Variants in CRADD observed in about 807,000 individuals in gnomAD.
The protein encoded by CRADD is death domain-containing protein CRADD.
In CRADD, 9 loss-of-function variants were observed where a neutral mutation model predicts 15.5. The ratio of observed to expected loss-of-function variants is 0.58; its 90% CI spans 0.35 to 1.01. The LOEUF is 1.01. CRADD is among the 50% of genes least tolerant of loss of function. The pLI is 0.02. For synonymous variants in CRADD, 118 were observed against 107.6 expected, an observed-to-expected ratio of 1.10 and a Z score of -0.60; for missense variants, 227 against 250.3, an observed-to-expected ratio of 0.91 and a Z score of 0.63.
chr12:93,765,155 G>T (rs1184880794), intron 2 of CRADD, among the ~76,000 whole-genome samples: 2 of 152,118 alleles, frequency 1.3e-5, no homozygotes, highest in Non-Finnish European at 2.9e-5. Flanking sequence ...CATTATTAAT[G>T]AATAGATTGA....
intron 2 of CRADD, among the ~76,000 whole-genome samples, chr12:93,757,943 G>A (rs1956909525): frequency 6.6e-6 from 1 of 152,248 alleles, no homozygotes. Context: ...AAGGGTGGCA[G>A]TGGTGCAGAT....
At chr12:93,868,796 G>T (rs1408311945) in intron 2 of CRADD, among the ~76,000 whole-genome samples, 1 of 151,940 alleles carries the variant, frequency 6.6e-6, no homozygotes, top group African/African-American at 2.4e-5. Flanking sequence ...TCCACCACCT[G>T]CAGAAAAAGT....
intron 2 of CRADD, among the ~76,000 whole-genome samples, chr12:93,790,231 T>C (rs957137193): frequency 1.3e-5 from 2 of 152,130 alleles, no homozygotes; most frequent in Admixed American, 6.6e-5. Flanking sequence ...TACATTATCA[T>C]TTCTAATAAC....
chr12:93,828,223 AT>A (rs1957848258), intron 2 of CRADD, among the ~76,000 whole-genome samples: 1 of 152,230 alleles, frequency 6.6e-6, no homozygotes, highest in Admixed American at 6.5e-5. Context: ...TTTACAAGAT[AT>A]GATTTGCAAA....
At chr12:93,681,399 T>A (rs1051414006) in intron 2 of CRADD, among the ~76,000 whole-genome samples, 42 of 152,158 alleles carry the variant, frequency 2.8e-4, no homozygotes, top group African/African-American at 1.0e-3. Context: ...CTGTAGAAGG[T>A]TGGCTCTGGA....
At chr12:93,886,174 T>TTC (rs1958536110) in intron 2 of CRADD, among the ~76,000 whole-genome samples, 1 of 149,232 alleles carries the variant, frequency 6.7e-6, no homozygotes, top group Non-Finnish European at 1.5e-5. Context: ...TTTTTTTTTT[T>TTC]TTTTTTTTGA....
At chr12:93,834,916 A>G (rs545833653) in intron 2 of CRADD, among the ~76,000 whole-genome samples, 6 of 152,306 alleles carry the variant, frequency 3.9e-5, no homozygotes, top group Middle Eastern at 3.4e-3. Context: ...GGGGAGGGGT[A>G]TTTTATCATT....
Position 93,850,467 on chromosome 12 carries a change from C to T in CRADD, c.*196C>T, listed in dbSNP as rs1193353673. ...ACTCAGCAGATCTCCCATGTTGGCT[C>T]AACAATTCTTTGTTTTTAATTGCTT... On this transcript the variant is annotated 3_prime_UTR_variant, in exon 3 of 3. Transcript: ENST00000332896. The surrounding 1 kb of genome is among the most constrained non-coding windows in gnomAD (Gnocchi z 4.0). 2.4e-5 allele frequency: 32 copies of T among 1,323,254 alleles called. No homozygotes were observed. The highest frequency in any genetic ancestry group is 3.1e-5 in the Non-Finnish European group (32 of 1,043,200). 82.0% of individuals were successfully genotyped at this position (1,323,254 alleles called of 1,614,324 possible).
chr12:93,872,019 T>C (rs551273732), intron 2 of CRADD, among the ~76,000 whole-genome samples: 1 of 152,180 alleles, frequency 6.6e-6, no homozygotes, highest in Admixed American at 6.5e-5. Flanking sequence ...CTAATTCACA[T>C]CCCCACCAAC....
rs147642219 is a variant in CRADD, at chr12:93,757,617, G to T, written c.298+78545G>T. On this transcript the variant is annotated intron_variant, in intron 2 of 2. Transcript: ENST00000332896. ...TTTTCTGTTCCAAATTTTGAGAGTA[G>T]CAGTATATCACTGCTTAAAATGTGC... is the stretch of plus-strand genomic sequence containing the variant. Among the ~76,000 whole-genome samples, 6 of 152,246 alleles carry T rather than the reference G, an allele frequency of 3.9e-5. No homozygotes were observed. In the South Asian group the frequency reaches 1.0e-3, roughly 26 times the overall value.
intron 2 of CRADD, among the ~76,000 whole-genome samples, chr12:93,804,398 C>T (rs959174041): frequency 6.6e-6 from 1 of 152,086 alleles, no homozygotes; most frequent in Non-Finnish European, 1.5e-5. Flanking sequence ...ATTGTATAAC[C>T]AGGTATATAC....
rs1593013823 is a variant in CRADD, at chr12:93,816,245, C to G, written c.299-33725C>G. 4 of 152,234 alleles carry G rather than the reference C, an allele frequency of 2.6e-5. No individual in the cohort carries two copies. The Middle Eastern group carries it at 0.014, about 518-fold the overall frequency. 9.4% of individuals were successfully genotyped at this position (152,234 alleles called of 1,614,324 possible). On this transcript the variant is annotated intron_variant, in intron 2 of 2. Transcript: ENST00000332896. The stretch of plus-strand genomic sequence containing the variant: ...ATTTACTTATTTTTTGAGATGGAGT[C>G]TTGCTCTGTCGCCCAGGCTGGAGTG...
chr12:93,768,240 G>A (rs189934191), intron 2 of CRADD, among the ~76,000 whole-genome samples: 106 of 152,284 alleles, frequency 7.0e-4, no homozygotes, highest in Non-Finnish European at 1.1e-3. Flanking sequence ...AATTGCTCTA[G>A]AATTCAGAGT....
At chr12:93,732,820 C>G (rs920406045) in intron 2 of CRADD, among the ~76,000 whole-genome samples, 3 of 152,192 alleles carry the variant, frequency 2.0e-5, no homozygotes, top group Admixed American at 2.0e-4. Flanking sequence ...GCATAACTGC[C>G]TGGCAGATTA....
intron 2 of CRADD, among the ~76,000 whole-genome samples, chr12:93,828,230 G>A (rs1957848399): frequency 6.6e-6 from 1 of 152,090 alleles, no homozygotes; most frequent in South Asian, 2.1e-4. Context: ...GATATGATTT[G>A]CAAATATTTT....
chr12:93,707,447 G>A (rs576886508), intron 2 of CRADD, among the ~76,000 whole-genome samples: 7 of 152,310 alleles, frequency 4.6e-5, no homozygotes, highest in Admixed American at 3.9e-4. Context: ...AGACTCAGAT[G>A]TCTGGTGCCT....
downstream of CRADD, among the ~76,000 whole-genome samples, chr12:93,851,802 G>A (rs7302318): frequency 0.15 from 23,402 of 152,026 alleles, 1,924 homozygotes; most frequent in African/African-American, 0.2. Flanking sequence ...TTTTTCAAAA[G>A]GGAGAAAAAA....
intron 2 of CRADD, among the ~76,000 whole-genome samples, chr12:93,704,115 C>A (rs566941366): frequency 2.3e-4 from 35 of 151,672 alleles, no homozygotes; most frequent in Non-Finnish European, 4.6e-4. Context: ...GCCACCACAC[C>A]TGGCCTATTT....
chr12:93,860,126 C>T (rs894579536), intron 2 of CRADD, among the ~76,000 whole-genome samples: 37 of 107,532 alleles, frequency 3.4e-4, no homozygotes, highest in African/African-American at 1.2e-3. Context: ...AAGAGGCCAA[C>T]GCAAATTTGA....
Sources: gnomAD v4.1 joint callset for allele counts (sites outside exome capture counted in the v4.1 genomes callset) on GRCh38, gnomAD v4.1.1 for gene constraint, Gnocchi (gnomAD v3.1) non-coding constraint, MANE v1.5 for transcripts, NCBI Gene and HGNC (gene_info 2026-07-23, HGNC 2026-07-21) for gene names.